Variants in TMEM117 observed in about 807,000 individuals in gnomAD.
TMEM117 encodes the protein transmembrane protein 117.
A neutral mutation model predicts 52.4 loss-of-function variants in TMEM117; 27 were observed. That is an observed-to-expected ratio of 0.51 (90% CI 0.38 to 0.71). TMEM117 has a LOEUF of 0.71. Among genes scored for constraint, TMEM117 ranks in the 30% least tolerant of loss-of-function variants. The probability of loss-of-function intolerance (pLI) is 0.00; values close to 1 mark genes in which losing one functional copy is unlikely to be tolerated. For synonymous variants in TMEM117, 215 were observed against 206.3 expected (o/e 1.04, Z -0.36); for missense variants, 556 against 630.5 (o/e 0.88, Z 1.26).
chr12:43,819,682 A>C, the TMEM117 span, among the ~76,000 whole-genome samples: 1 of 152,162 alleles, frequency 6.6e-6, no homozygotes, highest in Non-Finnish European at 1.5e-5. Flanking sequence ...AGCCTGAGGC[A>C]GGAGAATCGC....
intron 5 of TMEM117, among the ~76,000 whole-genome samples, chr12:44,253,835 TACACACAC>T (rs10565033): frequency 0.042 from 5,686 of 136,296 alleles, 119 homozygotes; most frequent in Admixed American, 0.047. Context: ...TGATAATTCC[TACACACAC>T]ACACACACAC....
At chr12:44,386,938 A>G (rs1952096372) in intron 7 of TMEM117, among the ~76,000 whole-genome samples, 1 of 152,104 alleles carries the variant, frequency 6.6e-6, no homozygotes, top group Non-Finnish European at 1.5e-5. Flanking sequence ...ACATAATCAT[A>G]TGAAGCAGTA....
intron 2 of TMEM117, among the ~76,000 whole-genome samples, chr12:43,930,247 T>G (rs1944850104): frequency 6.6e-6 from 1 of 152,220 alleles, no homozygotes; most frequent in African/African-American, 2.4e-5. Context: ...TTTTTGCTTA[T>G]CAGCAGTTCT....
chr12:44,387,926 A>T (rs964263729), intron 7 of TMEM117, 100 bp from the exon 8 acceptor site: 2 of 1,074,394 alleles, frequency 1.9e-6, no homozygotes, highest in Non-Finnish European at 2.6e-6. Flanking sequence ...TGAAACATTA[A>T]CAATTGATGT....
chr12:44,044,644 A>G (rs903701609), intron 3 of TMEM117, among the ~76,000 whole-genome samples: 1 of 152,126 alleles, frequency 6.6e-6, no homozygotes, highest in Admixed American at 6.5e-5. Context: ...GGAGTTCTCT[A>G]TGATCAGTTG....
At chr12:43,828,699 G>A in the TMEM117 span, among the ~76,000 whole-genome samples, 8 of 151,972 alleles carry the variant, frequency 5.3e-5, no homozygotes, top group Non-Finnish European at 7.4e-5. Context: ...TCCCCTTACC[G>A]ATAAAATGGC....
At chr12:44,117,642 C>T (rs1330147843) in intron 3 of TMEM117, among the ~76,000 whole-genome samples, 1 of 152,048 alleles carries the variant, frequency 6.6e-6, no homozygotes, top group Non-Finnish European at 1.5e-5. Flanking sequence ...TGTTTTTGAC[C>T]AGTGAAGGGG....
At chr12:44,342,209 T>G (rs772182688) in intron 6 of TMEM117, among the ~76,000 whole-genome samples, 2 of 152,138 alleles carry the variant, frequency 1.3e-5, no homozygotes, top group Non-Finnish European at 2.9e-5. Context: ...GGCCATAGAA[T>G]CACTTTTATT....
intron 3 of TMEM117, among the ~76,000 whole-genome samples, chr12:44,064,908 A>G (rs879351831): frequency 6.6e-6 from 1 of 152,198 alleles, no homozygotes; most frequent in Non-Finnish European, 1.5e-5. Context: ...ACCACATACA[A>G]AAAAGGGGGG....
At chr12:44,248,064 A>G (rs181020285) in intron 5 of TMEM117, among the ~76,000 whole-genome samples, 1 of 152,304 alleles carries the variant, frequency 6.6e-6, no homozygotes, top group African/African-American at 2.4e-5. Flanking sequence ...TCAGAAGCCA[A>G]GTATGAGGAT....
At chr12:44,299,817 C>A in intron 6 of TMEM117, 78 bp downstream of exon 6, 1 of 1,502,828 alleles carries the variant, frequency 6.7e-7, no homozygotes, top group Non-Finnish European at 9.0e-7. Flanking sequence ...TGGCAACAGG[C>A]TCCATAAATC....
At chr12:43,804,479 A>T in the TMEM117 span, 3 of 1,513,914 alleles carry the variant, frequency 2.0e-6, no homozygotes, top group Non-Finnish European at 2.7e-6. Flanking sequence ...AAAATATTTT[A>T]AAATATTTAA....
At chr12:43,963,982 A>G (rs145888142) in intron 3 of TMEM117, among the ~76,000 whole-genome samples, 10 of 152,300 alleles carry the variant, frequency 6.6e-5, no homozygotes, top group African/African-American at 1.9e-4. Context: ...ACTAATATGT[A>G]TCAATCAGGA....
At chr12:44,283,009 C>T (rs1349693557) in intron 5 of TMEM117, among the ~76,000 whole-genome samples, 1 of 152,246 alleles carries the variant, frequency 6.6e-6, no homozygotes, top group African/African-American at 2.4e-5. Flanking sequence ...GGGCGGAAGC[C>T]CCAAACTTTG....
chr12:43,853,887 T>C (rs1384020714), intron 2 of TMEM117, among the ~76,000 whole-genome samples: 1 of 152,118 alleles, frequency 6.6e-6, no homozygotes, highest in Admixed American at 6.5e-5. Context: ...TAGTCAGATA[T>C]GATGAAAGGT....
At chr12:43,895,691 T>C (rs541193651) in intron 2 of TMEM117, among the ~76,000 whole-genome samples, 9 of 152,332 alleles carry the variant, frequency 5.9e-5, no homozygotes, top group African/African-American at 2.2e-4. Context: ...AGGAAACTTT[T>C]ATCAGATCTG....
At chr12:44,225,833 TA>T (rs1379658249) in intron 5 of TMEM117, among the ~76,000 whole-genome samples, 1 of 152,114 alleles carries the variant, frequency 6.6e-6, no homozygotes, top group Non-Finnish European at 1.5e-5. Context: ...GGATTAAAGT[TA>T]CTGGACTGGG....
At chr12:44,317,436 C>T (rs1232297102) in intron 6 of TMEM117, among the ~76,000 whole-genome samples, 1 of 151,676 alleles carries the variant, frequency 6.6e-6, no homozygotes, top group East Asian at 1.9e-4. Context: ...ACTTGTTGCC[C>T]AGGCTGGAGT....
At chr12:44,129,681 A>G (rs1431840385) in intron 3 of TMEM117, among the ~76,000 whole-genome samples, 2 of 152,168 alleles carry the variant, frequency 1.3e-5, no homozygotes, top group East Asian at 1.9e-4. Flanking sequence ...TGCATTATGT[A>G]TGTAAAAATG....
Sources: allele counts gnomAD v4.1 joint callset (sites outside exome capture counted in the v4.1 genomes callset), GRCh38; gene constraint gnomAD v4.1.1; transcripts MANE v1.5; gene names NCBI Gene and HGNC (gene_info 2026-07-23, HGNC 2026-07-21).